The following CSMD2 variants were observed in gnomAD, a reference collection of about 807,000 sequenced individuals.
CSMD2 encodes the protein CUB and Sushi multiple domains 2.
In CSMD2, 130 loss-of-function variants were observed where a neutral mutation model predicts 398.5. That is an observed-to-expected ratio of 0.33 (90% CI 0.28 to 0.38). The LOEUF (loss-of-function observed/expected upper bound fraction) is 0.38, where lower values mean the gene tolerates loss of function less well. CSMD2 is among the 10% of genes least tolerant of loss of function. The probability of loss-of-function intolerance (pLI) is 1.00; values close to 1 mark genes in which losing one functional copy is unlikely to be tolerated. For missense variants in CSMD2, 3,829 were observed against 4,764.9 expected (o/e 0.80, Z 5.78); for synonymous variants, 1,828 against 1,908.5 (o/e 0.96, Z 1.10).
intron 25 of CSMD2, among the ~76,000 whole-genome samples, chr1:33,675,860 G>C (rs1376962843): frequency 3.9e-5 from 6 of 152,076 alleles, no homozygotes; most frequent in African/African-American, 4.8e-5. Context: ...ACAAAAACCA[G>C]ATGATTATCT....
At chr1:33,520,759 G>A (rs1654194314) in intron 68 of CSMD2, among the ~76,000 whole-genome samples, 1 of 152,200 alleles carries the variant, frequency 6.6e-6, no homozygotes, top group Non-Finnish European at 1.5e-5. Flanking sequence ...GCCTTGGCAG[G>A]CAAGGGCCCC....
At chr1:33,753,298 TG>T (rs1648520894) in intron 13 of CSMD2, among the ~76,000 whole-genome samples, 1 of 152,200 alleles carries the variant, frequency 6.6e-6, no homozygotes, top group African/African-American at 2.4e-5. Flanking sequence ...GGACCAGGCC[TG>T]GGGCACTGCA....
chr1:33,679,084 C>T lies in CSMD2; in HGVS notation c.4052+13846G>A, dbSNP rs1644816145. On this transcript the variant is annotated intron_variant, in intron 25 of 70. Transcript: ENST00000373381. ...CACTAGACAGAGTCCAGAGTCTGCC[C>T]TGTAGGTGTCAGGGATTCTGTGAGG... is the stretch of plus-strand genomic sequence containing the variant. Among the ~76,000 whole-genome samples the T allele has an allele frequency of 4.6e-5, 7 of 152,084 alleles. No individual in the cohort carries two copies. In the South Asian group the frequency reaches 1.5e-3, roughly 32 times the overall value.
chr1:33,881,888 T>C lies in CSMD2; in HGVS notation c.921-34892A>G, dbSNP rs372571370. ...AGCATTTTCAAATTTATTCGAAAGT[T>C]TCTGAAATTATAATTTTAATCCCCA... On this transcript the variant is annotated intron_variant, in intron 5 of 70. Coordinates refer to ENST00000373381, the MANE Select transcript of CSMD2 (RefSeq NM_001281956.2). Among the ~76,000 whole-genome samples the C allele has an allele frequency of 9.2e-5, 14 of 152,300 alleles. 1 individual carries two copies. Among genetic ancestry groups the C allele is most frequent in the African/African-American group, 2.9e-4 (12 of 41,560 alleles).
At chr1:33,556,325 G>A (rs1267695090) in intron 55 of CSMD2, among the ~76,000 whole-genome samples, 1 of 152,162 alleles carries the variant, frequency 6.6e-6, no homozygotes, top group Non-Finnish European at 1.5e-5. Flanking sequence ...GAGTTCTCAA[G>A]CGAGGAAAAT....
chr1:34,008,689 T>G (rs1204073317), intron 3 of CSMD2, among the ~76,000 whole-genome samples: 1 of 152,210 alleles, frequency 6.6e-6, no homozygotes, highest in Non-Finnish European at 1.5e-5. Flanking sequence ...GGAATATAAG[T>G]GAAGTCTTAC....
intron 5 of CSMD2, among the ~76,000 whole-genome samples, chr1:33,852,073 C>T (rs1324708663): frequency 2.0e-5 from 3 of 152,132 alleles, no homozygotes; most frequent in Non-Finnish European, 4.4e-5. Context: ...TTCCCCCAGT[C>T]GTTTCTGCTC....
In CSMD2 at chr1:33,981,165, T is replaced by G. The variant is rs72665775; in HGVS notation, c.518-45211A>C. ...CTCCGAAGCTCTTCTGCTCCCCAGA[T>G]GCAGCCTCTGCTCTGGTTGTTTTGC... On this transcript the variant is annotated intron_variant, in intron 3 of 70. Coordinates refer to ENST00000373381, the MANE Select transcript of CSMD2 (RefSeq NM_001281956.2). 7.2e-3 allele frequency among the ~76,000 whole-genome samples: 1,096 copies of G among 152,326 alleles called. 6 individuals carry two copies. The highest frequency in any genetic ancestry group is 0.013 in the Non-Finnish European group (854 of 68,024).
At chr1:33,850,170 T>C (rs1009528128) in intron 5 of CSMD2, among the ~76,000 whole-genome samples, 5 of 152,116 alleles carry the variant, frequency 3.3e-5, no homozygotes, top group Admixed American at 2.6e-4. Flanking sequence ...AAATGTCACC[T>C]TCTCAGTGAA....
intron 62 of CSMD2, among the ~76,000 whole-genome samples, chr1:33,535,522 C>A (rs1200512333): frequency 6.6e-6 from 1 of 152,162 alleles, no homozygotes. Context: ...TATAATAATC[C>A]ATCACGTGAC....
chr1:34,038,437 T>C (rs549047928), intron 2 of CSMD2, among the ~76,000 whole-genome samples: 150 of 152,354 alleles, frequency 9.8e-4, no homozygotes, highest in Non-Finnish European at 1.7e-3. Flanking sequence ...ATACTCATCT[T>C]CTGCTTTACA....
intron 44 of CSMD2, among the ~76,000 whole-genome samples, chr1:33,593,908 T>A (rs1430826439): frequency 6.6e-6 from 1 of 152,168 alleles, no homozygotes; most frequent in Non-Finnish European, 1.5e-5. Context: ...AATATATTAG[T>A]GACTAAAGTA....
chr1:34,101,644 C>T (rs1659954407), intron 1 of CSMD2, among the ~76,000 whole-genome samples: 1 of 152,096 alleles, frequency 6.6e-6, no homozygotes, highest in African/African-American at 2.4e-5. Flanking sequence ...ACATCTTTTT[C>T]ACTTTTTCTA....
Position 33,804,840 on chromosome 1 carries a change from T to C in CSMD2, c.1446+5903A>G, listed in dbSNP as rs1045210721. On this transcript the variant is annotated intron_variant, in intron 10 of 70. Coordinates refer to ENST00000373381, the MANE Select transcript of CSMD2 (RefSeq NM_001281956.2). ...ACTTCTATTCCTCAGTCTTAGACTT[T>C]GAGTTTCCACACTTAGACCCTCCTT... The C allele has an allele frequency of 4.2e-6, 3 of 717,340 alleles. No individual in the cohort carries two copies. In the African/African-American group the frequency reaches 5.2e-5, roughly 13 times the overall value. 44.4% of individuals were successfully genotyped at this position (717,340 alleles called of 1,614,324 possible).
chr1:33,592,815 G>T (rs1237828106), intron 44 of CSMD2, among the ~76,000 whole-genome samples: 1 of 152,058 alleles, frequency 6.6e-6, no homozygotes. Flanking sequence ...TGGGCGAGGT[G>T]GTGGGTGCCT....
At chr1:34,062,036 C>A (rs1221694021) in intron 2 of CSMD2, among the ~76,000 whole-genome samples, 1 of 152,206 alleles carries the variant, frequency 6.6e-6, no homozygotes, top group Non-Finnish European at 1.5e-5. Context: ...TCAGGATGGG[C>A]TAAGACCCCA....
rs1286253967 is a variant in CSMD2, at chr1:33,633,240, C to G, written c.5200+182G>C. On this transcript the variant is annotated intron_variant, in intron 32 of 70. Coordinates refer to ENST00000373381, the MANE Select transcript of CSMD2 (RefSeq NM_001281956.2). The surrounding 1 kb of genome is among the most constrained non-coding windows in gnomAD (Gnocchi z 5.0). Reference sequence around the variant, plus strand: ...CTGGGTGAGGGCAGCTGCTGAAGGCCCCGCTAGTTGGAGCTCTCACGAGCT... The same window carrying G: ...CTGGGTGAGGGCAGCTGCTGAAGGCGCCGCTAGTTGGAGCTCTCACGAGCT... Among the ~76,000 whole-genome samples, 9 of 152,246 alleles carry G rather than the reference C, an allele frequency of 5.9e-5. No homozygotes were observed. The East Asian group carries it at 1.7e-3, about 30-fold the overall frequency.
Position 33,774,570 on chromosome 1 carries a change from A to T in CSMD2, c.1664-1819T>A, listed in dbSNP as rs1651719580. 2.0e-5 allele frequency among the ~76,000 whole-genome samples: 3 copies of T among 152,160 alleles called. No individual in the cohort carries two copies. The South Asian group carries it at 6.2e-4, about 32-fold the overall frequency. On this transcript the variant is annotated intron_variant, in intron 12 of 70. Coordinates refer to ENST00000373381, the MANE Select transcript of CSMD2 (RefSeq NM_001281956.2). ...GGGCTGTCACTGCAGGCATTTTGAG[A>T]CCTGGTGAAAGTTACACAGCATTTC...
intron 3 of CSMD2, among the ~76,000 whole-genome samples, chr1:33,946,708 T>A (rs1262773591): frequency 6.6e-6 from 1 of 151,252 alleles, no homozygotes; most frequent in Non-Finnish European, 1.5e-5. Context: ...AACCTTCACC[T>A]CCCAGGTTCA....
Sources: allele counts gnomAD v4.1 joint callset (sites outside exome capture counted in the v4.1 genomes callset), GRCh38; gene constraint gnomAD v4.1.1; non-coding constraint Gnocchi (gnomAD v3.1); transcripts MANE v1.5; gene names NCBI Gene and HGNC (gene_info 2026-07-23, HGNC 2026-07-21).